Variants in PITPNM2 observed in about 807,000 individuals in gnomAD.
The protein encoded by PITPNM2 is phosphatidylinositol transfer protein membrane associated 2.
Under a neutral mutation model 132.2 loss-of-function variants are expected in PITPNM2, and 35 were observed. The ratio of observed to expected loss-of-function variants is 0.26; its 90% CI spans 0.20 to 0.35. The LOEUF (loss-of-function observed/expected upper bound fraction) is 0.35. Ranked by LOEUF, PITPNM2 falls within the 10% of genes least tolerant of loss-of-function variation. PITPNM2 has a pLI of 1.00. For synonymous variants in PITPNM2, 738 were observed against 799.2 expected, an observed-to-expected ratio of 0.92 and a Z score of 1.29; for missense variants, 1,332 against 1,912.0, an observed-to-expected ratio of 0.70 and a Z score of 5.66.
chr12:123,151,596 A>T (rs1175986569), upstream of PITPNM2, among the ~76,000 whole-genome samples: 1 of 152,094 alleles, frequency 6.6e-6, no homozygotes, highest in Non-Finnish European at 1.5e-5. Flanking sequence ...GCCGCGGCCC[A>T]GGGAACGGCA....
At chr12:122,998,447 C>T (rs2038521783) in intron 10 of PITPNM2, among the ~76,000 whole-genome samples, 1 of 152,336 alleles carries the variant, frequency 6.6e-6, no homozygotes, top group South Asian at 2.1e-4. Flanking sequence ...AATCTGAAGC[C>T]TCTGCCACTA....
In PITPNM2 at chr12:123,009,341, G is replaced by A. The variant is rs1490985995; in HGVS notation, c.643+509C>T. Among the ~76,000 whole-genome samples, 1 of 152,186 alleles carries A rather than the reference G, an allele frequency of 6.6e-6. No individual in the cohort carries two copies. The highest frequency in any genetic ancestry group is 1.5e-5 in the Non-Finnish European group (1 of 68,030). On this transcript the variant is annotated intron_variant, in intron 6 of 25. Transcript: ENST00000320201. The surrounding 1 kb of genome is among the most constrained non-coding windows in gnomAD (Gnocchi z 4.8). ...ACCTGTTCCATGGGCACCTACTCTGGCTAGGCTGGTGTGGGTGTGAAGGCC... is the reference window on the plus strand; with the variant it reads ...ACCTGTTCCATGGGCACCTACTCTGACTAGGCTGGTGTGGGTGTGAAGGCC...
intron 3 of PITPNM2, among the ~76,000 whole-genome samples, chr12:123,015,178 C>T (rs2039371723): frequency 1.3e-5 from 2 of 152,150 alleles, no homozygotes; most frequent in South Asian, 4.1e-4. Context: ...AGAAATGGAA[C>T]AGCTGATCCT....
At chr12:123,079,124 C>T (rs941374594) in intron 2 of PITPNM2, among the ~76,000 whole-genome samples, 9 of 152,124 alleles carry the variant, frequency 5.9e-5, no homozygotes, top group African/African-American at 2.2e-4. Flanking sequence ...TCAGGAGCTG[C>T]GGTCTCCTTA....
chr12:123,025,633 T>C (rs1243575192), intron 3 of PITPNM2, among the ~76,000 whole-genome samples: 3 of 152,082 alleles, frequency 2.0e-5, no homozygotes, highest in Non-Finnish European at 4.4e-5. Context: ...GGTTTCACCA[T>C]GTCCATCAGG....
intron 1 of PITPNM2, among the ~76,000 whole-genome samples, chr12:123,112,656 A>G (rs557208980): frequency 1.3e-5 from 2 of 150,922 alleles, no homozygotes; most frequent in South Asian, 2.1e-4. Context: ...CTCCTGCCTC[A>G]GCCTCCTGAG....
Position 122,992,798 on chromosome 12 carries a change from A to C in PITPNM2, c.2234-129T>G, listed in dbSNP as rs2038251931. On this transcript the variant is annotated intron_variant, in intron 15 of 25. Transcript: ENST00000320201. The surrounding 1 kb of genome is among the most constrained non-coding windows in gnomAD (Gnocchi z 6.5). Reference sequence around the variant, plus strand: ...GGGATAAGATGGGGGGTGTGTCTCTATCAATTTGGGACCTGTTTGGGTCAT... The same window carrying C: ...GGGATAAGATGGGGGGTGTGTCTCTCTCAATTTGGGACCTGTTTGGGTCAT... The C allele has an allele frequency of 3.0e-6, 2 of 669,192 alleles. No individual in the cohort carries two copies. The highest frequency in any genetic ancestry group is 3.9e-5 in the South Asian group (2 of 51,012). 41.5% of individuals were successfully genotyped at this position (669,192 alleles called of 1,614,324 possible). A position where few individuals can be genotyped will look rare whatever the true frequency, so the allele number is the denominator to read the frequency against.
At position 123,006,294 on chromosome 12, in the gene PITPNM2, T is replaced by TA. The variant is rs899323160; in HGVS notation, c.644-747dup. On this transcript the variant is annotated intron_variant, in intron 6 of 25. Coordinates refer to ENST00000320201, the MANE Select transcript of PITPNM2 (RefSeq NM_020845.3). ...TGGTTCTCCTTTTCTTTTGTTTTTTTAAAAAAAGCTTTTAGTAGAATATAT... is the reference window on the plus strand; with the variant it reads ...TGGTTCTCCTTTTCTTTTGTTTTTTTAAAAAAAAGCTTTTAGTAGAATATAT... 2.1e-3 allele frequency among the ~76,000 whole-genome samples: 319 copies of TA among 152,082 alleles called. 1 individual carries two copies. Among genetic ancestry groups the TA allele is most frequent in the African/African-American group, 6.9e-3 (287 of 41,488 alleles).
chr12:123,000,778 C>G lies in PITPNM2; in HGVS notation c.1224G>C (p.Glu408Asp). Residue 408 changes from glutamate (E) to aspartate (D), a missense_variant and splice_region_variant, in exon 10 of 26, where the codon GAG becomes GAC. Physicochemically the swap from Glu to Asp is conservative, Grantham distance 45 (BLOSUM62 2). Transcript: ENST00000320201. This position sits in a 1 kb window ranked among gnomAD's most constrained non-coding sequence, Gnocchi z 5.4. Reference protein sequence around the residue: ...ASSVEQLNIIEDEVSQPLAAP... With the variant: ...ASSVEQLNIIDDEVSQPLAAP... The stretch of plus-strand genomic sequence containing the variant: ...GTCCCTCTGACACCCGGGCACCCAC[C>G]TCTATGATGTTCAGCTGCTCCACAC... 6.2e-7 allele frequency: 1 copy of G among 1,614,008 alleles called. No homozygotes were observed.
chr12:123,064,862 A>C lies in PITPNM2; in HGVS notation c.-95-30177T>G, dbSNP rs1260257055. Among the ~76,000 whole-genome samples the C allele has an allele frequency of 6.6e-6, 1 of 152,220 alleles. No individual in the cohort carries two copies. Among genetic ancestry groups the C allele is most frequent in the Non-Finnish European group, 1.5e-5 (1 of 68,034 alleles). ...CACATTCAAGCCTTGTCTTTGAGCA[A>C]GTCCTTTACCTGCTCCAGGCCTCAG... is the stretch of plus-strand genomic sequence containing the variant. On this transcript the variant is annotated intron_variant, in intron 2 of 25. Transcript: ENST00000320201. This position sits in a 1 kb window ranked among gnomAD's most constrained non-coding sequence, Gnocchi z 4.0.
chr12:122,991,869 C>A, intron 16 of PITPNM2: 1 of 1,311,448 alleles, frequency 7.6e-7, no homozygotes, highest in Non-Finnish European at 9.7e-7. Flanking sequence ...CCCTCCAGGA[C>A]CAGCTCAGGG....
At position 123,112,988 on chromosome 12, in the gene PITPNM2, A is replaced by G. The variant is rs536114441; in HGVS notation, c.-199-2500T>C. Among the ~76,000 whole-genome samples the G allele has an allele frequency of 4.6e-5, 7 of 152,352 alleles. No individual in the cohort carries two copies. The East Asian group carries it at 1.3e-3, about 29-fold the overall frequency. On this transcript the variant is annotated intron_variant, in intron 1 of 25. Coordinates refer to ENST00000320201, the MANE Select transcript of PITPNM2 (RefSeq NM_020845.3). Reference sequence around the variant, plus strand: ...CCCTGACTCTGTTTCAGTCCAAGAAAGTGAATTAGCAAGTGAATCTGTTTC... The same window carrying G: ...CCCTGACTCTGTTTCAGTCCAAGAAGGTGAATTAGCAAGTGAATCTGTTTC...
At chr12:122,997,008 C>G (rs1042817138) in intron 11 of PITPNM2, 98 bp from the exon 12 acceptor site, 19 of 1,222,462 alleles carry the variant, frequency 1.6e-5, no homozygotes, top group Non-Finnish European at 1.9e-5. Context: ...ACTCAGCATA[C>G]GCTAGTGAGG....
At chr12:123,089,129 C>T (rs916479090) in intron 2 of PITPNM2, 1 of 152,148 alleles carries the variant, frequency 6.6e-6, no homozygotes, top group Admixed American at 6.5e-5. Flanking sequence ...AAAAGCCTAG[C>T]AAAAGCTACA....
At chr12:123,016,910 G>T (rs572472429) in intron 3 of PITPNM2, among the ~76,000 whole-genome samples, 1 of 152,060 alleles carries the variant, frequency 6.6e-6, no homozygotes, top group South Asian at 2.1e-4. Flanking sequence ...GCCGGGCATG[G>T]TGGTGTGTGC....
chr12:122,988,046 G>A (rs978972385), intron 20 of PITPNM2, 145 bp from the exon 21 acceptor site: 7 of 937,834 alleles, frequency 7.5e-6, no homozygotes, highest in East Asian at 4.8e-5. Flanking sequence ...ACACGATGAC[G>A]TGGCTTTGGA....
chr12:123,127,186 C>T (rs1302735368), intron 1 of PITPNM2, among the ~76,000 whole-genome samples: 1 of 152,184 alleles, frequency 6.6e-6, no homozygotes, highest in Non-Finnish European at 1.5e-5. Context: ...TCAAAACATT[C>T]TGGAAGAGTC....
In PITPNM2 at chr12:123,000,994, G is replaced by A; in HGVS notation, c.1153+60C>T. On this transcript the variant is annotated intron_variant, in intron 9 of 25. Coordinates refer to ENST00000320201, the MANE Select transcript of PITPNM2 (RefSeq NM_020845.3). This position sits in a 1 kb window ranked among gnomAD's most constrained non-coding sequence, Gnocchi z 5.4. ...CTGTGCAGAAGCTGGTCAGAAAGGA[G>A]GGGGCTGAAGCCCTGCAACCGCCCT... The A allele has an allele frequency of 1.3e-6, 2 of 1,555,076 alleles. No individual in the cohort carries two copies. The highest frequency in any genetic ancestry group is 1.1e-5 in the South Asian group (1 of 89,754).
At chr12:123,138,678 G>A (rs2043434849) in intron 1 of PITPNM2, among the ~76,000 whole-genome samples, 1 of 152,170 alleles carries the variant, frequency 6.6e-6, no homozygotes. Flanking sequence ...AGGGGGCTGG[G>A]AGAGGGAAGA....
Sources: gnomAD v4.1 joint callset for allele counts (sites outside exome capture counted in the v4.1 genomes callset) on GRCh38, gnomAD v4.1.1 for gene constraint, Gnocchi (gnomAD v3.1) non-coding constraint, MANE v1.5 for transcripts, NCBI Gene and HGNC (gene_info 2026-07-23, HGNC 2026-07-21) for gene names.